Variants in SLC23A2 observed in about 807,000 individuals in gnomAD.
SLC23A2 encodes solute carrier family 23 member 2.
In SLC23A2, 36 loss-of-function variants were observed where a neutral mutation model predicts 73.3. The observed-to-expected ratio is 0.49, with a 90% CI of 0.38 to 0.65. The LOEUF is 0.65. Ranked by LOEUF, SLC23A2 falls within the 30% of genes least tolerant of loss-of-function variation. SLC23A2 has a pLI of 0.00. For synonymous variants in SLC23A2, 343 were observed against 327.3 expected (o/e 1.05, Z -0.52); for missense variants, 507 against 841.6 (o/e 0.60, Z 4.92).
intron 1 of SLC23A2, among the ~76,000 whole-genome samples, chr20:4,986,814 A>G (rs2087838491): frequency 6.6e-6 from 1 of 151,824 alleles, no homozygotes; most frequent in African/African-American, 2.4e-5. Context: ...CAAAAAGAGA[A>G]ATCAAAAAAA....
chr20:4,922,452 A>G (rs1248558776), intron 3 of SLC23A2, among the ~76,000 whole-genome samples: 1 of 152,192 alleles, frequency 6.6e-6, no homozygotes, highest in Non-Finnish European at 1.5e-5. Context: ...CTGTCACAGC[A>G]TTTAGCAAGA....
chr20:4,955,294 A>G (rs1173649932), intron 2 of SLC23A2, among the ~76,000 whole-genome samples: 1 of 151,600 alleles, frequency 6.6e-6, no homozygotes, highest in Non-Finnish European at 1.5e-5. Flanking sequence ...CAAATAATGG[A>G]AAAGGGAAAG....
chr20:4,861,791 G>A (rs925620119), intron 15 of SLC23A2, among the ~76,000 whole-genome samples, 157 bp downstream of exon 15: 5 of 152,140 alleles, frequency 3.3e-5, no homozygotes, highest in African/African-American at 1.2e-4. Context: ...GCGCTTCCAG[G>A]TAAGTATTGA....
chr20:4,863,022 C>T lies in SLC23A2; in HGVS notation c.1357-115G>A. The T allele has an allele frequency of 1.0e-6, 1 of 975,206 alleles. No individual in the cohort carries two copies. Among genetic ancestry groups the T allele is most frequent in the Non-Finnish European group, 1.5e-6 (1 of 664,686 alleles). 60.4% of individuals were successfully genotyped at this position (975,206 alleles called of 1,614,324 possible). On this transcript the variant is annotated intron_variant, in intron 13 of 16. Coordinates refer to ENST00000338244, the MANE Select transcript of SLC23A2 (RefSeq NM_005116.6). This position sits in a 1 kb window ranked among gnomAD's most constrained non-coding sequence, Gnocchi z 4.8. ...ATGGCCTGGCTCGCTACCTTCACCT[C>T]CTCCTCAGCCCACTCTTCTCACCTC...
At chr20:4,900,891 A>G (rs1439199815) in intron 5 of SLC23A2, among the ~76,000 whole-genome samples, 1 of 152,030 alleles carries the variant, frequency 6.6e-6, no homozygotes, top group East Asian at 1.9e-4. Context: ...TGCCCACGTT[A>G]GCCAAACATG....
chr20:4,913,847 G>A (rs1282413267), intron 3 of SLC23A2, among the ~76,000 whole-genome samples: 1 of 151,624 alleles, frequency 6.6e-6, no homozygotes, highest in Non-Finnish European at 1.5e-5. Context: ...GGCTGGTCTC[G>A]AACTCCTAAC....
At chr20:4,933,362 G>C (rs1005754244) in intron 2 of SLC23A2, among the ~76,000 whole-genome samples, 2 of 152,006 alleles carry the variant, frequency 1.3e-5, no homozygotes, top group Admixed American at 6.6e-5. Context: ...CCAGCACTTT[G>C]GGAAGCTAAG....
At chr20:4,980,011 T>C (rs1381615802) in intron 1 of SLC23A2, among the ~76,000 whole-genome samples, 2 of 151,840 alleles carry the variant, frequency 1.3e-5, no homozygotes, top group Non-Finnish European at 2.9e-5. Flanking sequence ...AAACAAAATA[T>C]AAATGGCCAA....
chr20:4,892,138 G>A (rs756507966), intron 6 of SLC23A2, among the ~76,000 whole-genome samples: 1 of 152,084 alleles, frequency 6.6e-6, no homozygotes, highest in Non-Finnish European at 1.5e-5. Flanking sequence ...ATTAAATGAT[G>A]GAAAGGGAGC....
At chr20:4,914,582 T>C (rs1422642266) in intron 3 of SLC23A2, among the ~76,000 whole-genome samples, 1 of 152,182 alleles carries the variant, frequency 6.6e-6, no homozygotes, top group Non-Finnish European at 1.5e-5. Context: ...ATTATACTCA[T>C]AGAAGCTTAT....
intron 3 of SLC23A2, among the ~76,000 whole-genome samples, chr20:4,929,240 T>C (rs1932758212): frequency 6.7e-6 from 1 of 148,392 alleles, no homozygotes; most frequent in Non-Finnish European, 1.5e-5. Flanking sequence ...CACTCCAGCC[T>C]GGGCAACAGA....
At chr20:4,888,214 T>G (rs1234511346) in intron 6 of SLC23A2, among the ~76,000 whole-genome samples, 2 of 152,182 alleles carry the variant, frequency 1.3e-5, no homozygotes, top group East Asian at 1.9e-4. Flanking sequence ...CCTGGGGTGC[T>G]ACCTGTTCTG....
chr20:4,959,677 T>C (rs938595429), intron 2 of SLC23A2, among the ~76,000 whole-genome samples: 2 of 151,962 alleles, frequency 1.3e-5, no homozygotes, highest in East Asian at 3.9e-4. Flanking sequence ...TTTCTAATTT[T>C]TGTAGAGATG....
At chr20:4,965,243 G>A (rs1013292330) in intron 2 of SLC23A2, among the ~76,000 whole-genome samples, 2 of 152,110 alleles carry the variant, frequency 1.3e-5, no homozygotes, top group Non-Finnish European at 2.9e-5. Flanking sequence ...GATGGCACCT[G>A]AGTAACTTAG....
intron 1 of SLC23A2, among the ~76,000 whole-genome samples, chr20:4,987,920 A>C: frequency 6.6e-6 from 1 of 152,154 alleles, no homozygotes; most frequent in East Asian, 1.9e-4. Flanking sequence ...GAATATTTAC[A>C]ATATTGCAAT....
At chr20:5,006,205 C>T (rs1023966063), upstream of SLC23A2, among the ~76,000 whole-genome samples, 1 of 151,626 alleles carries the variant, frequency 6.6e-6, no homozygotes, top group Non-Finnish European at 1.5e-5. Flanking sequence ...TCAAGCGGTT[C>T]TCCTGCCTCA....
At chr20:4,993,828 T>A (rs764245823) in intron 1 of SLC23A2, among the ~76,000 whole-genome samples, 1 of 152,102 alleles carries the variant, frequency 6.6e-6, no homozygotes, top group Admixed American at 6.6e-5. Context: ...ACGGCTGTAA[T>A]CCCAGAACTT....
chr20:4,971,816 T>G (rs1487292031), intron 1 of SLC23A2, among the ~76,000 whole-genome samples: 3 of 151,916 alleles, frequency 2.0e-5, no homozygotes, highest in Admixed American at 1.3e-4. Flanking sequence ...TGATTTGCAC[T>G]CAGTTGGGAT....
chr20:4,951,040 G>A (rs535835558), intron 2 of SLC23A2, among the ~76,000 whole-genome samples: 24 of 152,204 alleles, frequency 1.6e-4, no homozygotes, highest in African/African-American at 5.3e-4. Flanking sequence ...ACACAGGTCC[G>A]CACATGACAC....
Sources: gnomAD v4.1 joint callset for allele counts (sites outside exome capture counted in the v4.1 genomes callset) on GRCh38, gnomAD v4.1.1 for gene constraint, Gnocchi (gnomAD v3.1) non-coding constraint, MANE v1.5 for transcripts, NCBI Gene and HGNC (gene_info 2026-07-23, HGNC 2026-07-21) for gene names.